The following WDR64 variants were observed in gnomAD, a reference collection of about 807,000 sequenced individuals.
The protein encoded by WDR64 is WD repeat-containing protein 64.
A neutral mutation model predicts 139.3 loss-of-function variants in WDR64; 112 were observed. The ratio of observed to expected loss-of-function variants is 0.80; its 90% CI spans 0.69 to 0.94. The LOEUF (loss-of-function observed/expected upper bound fraction) is 0.94. Among genes scored for constraint, WDR64 ranks in the 40% least tolerant of loss-of-function variants. The probability of loss-of-function intolerance (pLI) is 0.00; values close to 1 mark genes in which losing one functional copy is unlikely to be tolerated. For synonymous variants in WDR64, 444 were observed against 437.7 expected (o/e 1.01, Z -0.18); for missense variants, 1,206 against 1,293.1 (o/e 0.93, Z 1.03).
Position 241,802,707 on chromosome 1 carries a change from C to G in WDR64, c.*1492C>G, listed in dbSNP as rs1659558804. On this transcript the variant is annotated 3_prime_UTR_variant, in exon 28 of 28. Transcript: ENST00000437684. ...TAGATGGATATGTGTTAGAGCATAT[C>G]TAAAACCACATTAATTATGGAATCT... Among the ~76,000 whole-genome samples, 1 of 151,928 alleles carries G rather than the reference C, an allele frequency of 6.6e-6. No individual in the cohort carries two copies. Among genetic ancestry groups the G allele is most frequent in the South Asian group, 2.1e-4 (1 of 4,812 alleles).
In WDR64 at chr1:241,687,611, T is replaced by C; in HGVS notation, c.974+16T>C. On this transcript the variant is annotated intron_variant, in intron 8 of 27. Coordinates refer to ENST00000437684, the MANE Select transcript of WDR64 (RefSeq NM_001367482.1). ...AGGATAATTTGTAAGTATAGTAATT[T>C]ATATACATGAACAGTCTGTGAATTT... The C allele has an allele frequency of 6.2e-7, 1 of 1,604,738 alleles. No homozygotes were observed. Among genetic ancestry groups the C allele is most frequent in the Non-Finnish European group, 8.5e-7 (1 of 1,174,428 alleles).
At chr1:241,773,808 A>C (rs576677723) in intron 20 of WDR64, among the ~76,000 whole-genome samples, 1 of 152,346 alleles carries the variant, frequency 6.6e-6, no homozygotes, top group South Asian at 2.1e-4. Flanking sequence ...AAAATATTCA[A>C]ATCTTTCTTT....
chr1:241,689,072 C>G (rs556675370), intron 8 of WDR64, among the ~76,000 whole-genome samples: 9 of 152,192 alleles, frequency 5.9e-5, no homozygotes, highest in African/African-American at 2.2e-4. Flanking sequence ...TCTGGTCGCA[C>G]CTAAGAGGGA....
In WDR64 at chr1:241,769,574, A is replaced by G. The variant is rs1010289252; in HGVS notation, c.2183+69A>G. 2.3e-6 allele frequency: 3 copies of G among 1,333,152 alleles called. No homozygotes were observed. The African/African-American group carries it at 4.4e-5, about 20-fold the overall frequency. 82.6% of individuals were successfully genotyped at this position (1,333,152 alleles called of 1,614,324 possible). ...GGTGGCTGATACATTAGGTTGATGCAAAATTAATTGTGGTTTTTGCCATTG... is the reference window on the plus strand; with the variant it reads ...GGTGGCTGATACATTAGGTTGATGCGAAATTAATTGTGGTTTTTGCCATTG... On this transcript the variant is annotated intron_variant, in intron 17 of 27. Coordinates refer to ENST00000437684, the MANE Select transcript of WDR64 (RefSeq NM_001367482.1).
intron 26 of WDR64, 60 bp downstream of exon 26, chr1:241,795,347 T>A: frequency 5.5e-6 from 8 of 1,461,332 alleles, no homozygotes; most frequent in Non-Finnish European, 5.6e-6. Context: ...TGCCATCTCA[T>A]TCCTGACCCT....
At chr1:241,770,770 G>GC in intron 18 of WDR64, 80 bp downstream of exon 18, 1 of 1,305,084 alleles carries the variant, frequency 7.7e-7, no homozygotes, top group South Asian at 1.5e-5. Flanking sequence ...GCACATTTGA[G>GC]CCCCTCCTTT....
chr1:241,790,520 A>G (rs1209547069), intron 24 of WDR64, 71 bp from the exon 25 acceptor site: 1 of 1,307,008 alleles, frequency 7.7e-7, no homozygotes, highest in African/African-American at 1.5e-5. Flanking sequence ...GAAGGACATA[A>G]TGGATCTTTG....
chr1:241,728,578 C>T (rs1022943792), intron 10 of WDR64, among the ~76,000 whole-genome samples: 1 of 152,166 alleles, frequency 6.6e-6, no homozygotes, highest in Non-Finnish European at 1.5e-5. Flanking sequence ...CCTAATTTTG[C>T]AGTCTTTCCA....
At chr1:241,723,773 A>C (rs570633652) in intron 10 of WDR64, among the ~76,000 whole-genome samples, 209 of 136,808 alleles carry the variant, frequency 1.5e-3, no homozygotes, top group African/African-American at 5.3e-3. Context: ...TGTTTGAAAC[A>C]TTCTAACCAA....
rs911725317 is a variant in WDR64 at position 241,778,551 on chromosome 1, T to C, written c.2537-1453T>C. On this transcript the variant is annotated intron_variant, in intron 21 of 27. Transcript: ENST00000437684. The stretch of plus-strand genomic sequence containing the variant: ...GTATCTACCATATTTGTTACTATTC[T>C]TAATTTGTTGCCCTGGCTCTTTATT... Among the ~76,000 whole-genome samples, 7 of 152,334 alleles carry C rather than the reference T, an allele frequency of 4.6e-5. No individual in the cohort carries two copies. The South Asian group carries it at 1.2e-3, about 27-fold the overall frequency.
At chr1:241,749,181 T>C (rs1669884163) in intron 13 of WDR64, among the ~76,000 whole-genome samples, 1 of 152,148 alleles carries the variant, frequency 6.6e-6, no homozygotes, top group African/African-American at 2.4e-5. Context: ...ATAATAGTCG[T>C]GGCATGGTAG....
In WDR64 at chr1:241,757,428, T is replaced by C. The variant is rs141024012; in HGVS notation, c.1916T>C (p.Ile639Thr). The change falls in exon 15 of 28, where the codon ATA becomes ACA. Residue 639 changes from isoleucine (I) to threonine (T), a missense_variant. Coordinates refer to ENST00000437684, the MANE Select transcript of WDR64 (RefSeq NM_001367482.1). ...MAIPFPDVEL[I>T]VERNFSQPTD... ...ATTCCTTTCCCAGATGTCGAGTTGA[T>C]AGTTGAGAGGAACTTTTCTCAACCT... The C allele has an allele frequency of 8.7e-6, 14 of 1,613,174 alleles. No individual in the cohort carries two copies. The African/African-American group carries it at 1.6e-4, about 18-fold the overall frequency.
intron 19 of WDR64, among the ~76,000 whole-genome samples, chr1:241,772,086 T>C (rs1354346316): frequency 6.7e-6 from 1 of 148,236 alleles, no homozygotes; most frequent in Non-Finnish European, 1.5e-5. Flanking sequence ...TAATTCTAGG[T>C]TTTAAGAATC....
intron 15 of WDR64, among the ~76,000 whole-genome samples, chr1:241,757,758 ACAGG>A (rs1426555233): frequency 6.7e-6 from 1 of 150,256 alleles, no homozygotes; most frequent in Non-Finnish European, 1.5e-5. Flanking sequence ...CGCTGGAATT[ACAGG>A]CATAAGACAC....
intron 2 of WDR64, among the ~76,000 whole-genome samples, chr1:241,668,792 C>G (rs1666115313): frequency 6.6e-6 from 1 of 151,984 alleles, no homozygotes; most frequent in Non-Finnish European, 1.5e-5. Flanking sequence ...GCCTATGGTT[C>G]CAGCTACTCG....
chr1:241,717,217 A>G (rs1163726190), intron 9 of WDR64, among the ~76,000 whole-genome samples: 1 of 152,208 alleles, frequency 6.6e-6, no homozygotes, highest in Non-Finnish European at 1.5e-5. Flanking sequence ...ACTACCTATG[A>G]AAATTCCAGA....
At chr1:241,741,047 A>T (rs1341500485) in intron 11 of WDR64, among the ~76,000 whole-genome samples, 2 of 152,194 alleles carry the variant, frequency 1.3e-5, no homozygotes. Flanking sequence ...TAATAAGACC[A>T]TGTTTACAGA....
In WDR64 at chr1:241,703,252, C is replaced by G. The variant is rs1287779801; in HGVS notation, c.975-8550C>G. ...CACACAGTTCCCCTGGGATGCTTCC[C>G]GTCTGCAGCATTGCCTTCCATTCAG... On this transcript the variant is annotated intron_variant, in intron 8 of 27. Coordinates refer to ENST00000437684, the MANE Select transcript of WDR64 (RefSeq NM_001367482.1). The surrounding 1 kb of genome is among the most constrained non-coding windows in gnomAD (Gnocchi z 5.9). 6.6e-6 allele frequency among the ~76,000 whole-genome samples: 1 copy of G among 152,140 alleles called. No individual in the cohort carries two copies. The highest frequency in any genetic ancestry group is 1.5e-5 in the Non-Finnish European group (1 of 68,030).
intron 10 of WDR64, among the ~76,000 whole-genome samples, chr1:241,728,077 A>C (rs866346940): frequency 3.9e-5 from 6 of 152,106 alleles, no homozygotes; most frequent in Non-Finnish European, 7.4e-5. Flanking sequence ...TCATGCCTGT[A>C]ATCCCAGCAC....
Sources: gnomAD v4.1 joint callset for allele counts (sites outside exome capture counted in the v4.1 genomes callset) on GRCh38, gnomAD v4.1.1 for gene constraint, Gnocchi (gnomAD v3.1) non-coding constraint, MANE v1.5 for transcripts, NCBI Gene and HGNC (gene_info 2026-07-23, HGNC 2026-07-21) for gene names.